Variants in INPP5D observed in about 807,000 individuals in gnomAD.
INPP5D encodes the protein phosphatidylinositol 3,4,5-trisphosphate 5-phosphatase 1.
In INPP5D, 33 loss-of-function variants were observed where a neutral mutation model predicts 122.9. The observed-to-expected ratio is 0.27, with a 90% CI of 0.20 to 0.36. INPP5D has a LOEUF of 0.36. INPP5D is among the 10% of genes least tolerant of loss of function. The pLI, the probability that INPP5D is intolerant of heterozygous loss-of-function variation, is 1.00. For missense variants in INPP5D, 1,053 were observed against 1,412.7 expected (o/e 0.75, Z 4.08); for synonymous variants, 584 against 576.2 (o/e 1.01, Z -0.19).
intron 2 of INPP5D, among the ~76,000 whole-genome samples, chr2:233,116,004 T>A (rs1480021023): frequency 6.6e-6 from 1 of 152,114 alleles, no homozygotes; most frequent in Non-Finnish European, 1.5e-5. Context: ...CTGCTGGAAG[T>A]CACCCAGAAC....
rs1694994111 is a variant in INPP5D at position 233,189,356 on chromosome 2, G to A, written c.2359-494G>A. Among the ~76,000 whole-genome samples, 2 of 152,362 alleles carry A rather than the reference G, an allele frequency of 1.3e-5. No individual in the cohort carries two copies. Among genetic ancestry groups the A allele is most frequent in the East Asian group, 3.9e-4 (2 of 5,188 alleles). On this transcript the variant is annotated intron_variant, in intron 21 of 26. Coordinates refer to ENST00000445964, the MANE Select transcript of INPP5D (RefSeq NM_001017915.3). The surrounding 1 kb of genome is among the most constrained non-coding windows in gnomAD (Gnocchi z 5.6). ...GAGGCTGCATCCTCCCTAGATAGGG[G>A]CAAGCCAGACAGGGGCAGGGCTGGG...
intron 1 of INPP5D, among the ~76,000 whole-genome samples, chr2:233,071,288 C>G (rs1391568602): frequency 6.7e-6 from 1 of 149,878 alleles, no homozygotes; most frequent in Admixed American, 6.6e-5. Context: ...GAGTCTCTGC[C>G]TCAAAAAAAG....
rs1391886930 is a variant in INPP5D at position 233,100,108 on chromosome 2, T to G, written c.198+20710T>G. Reference sequence around the variant, plus strand: ...GTGGGAGTTACAATTCAAGATGAGATTTGGGTGGGGACACAGTCAAACCAT... The same window carrying G: ...GTGGGAGTTACAATTCAAGATGAGAGTTGGGTGGGGACACAGTCAAACCAT... On this transcript the variant is annotated intron_variant, in intron 2 of 26. Coordinates refer to ENST00000445964, the MANE Select transcript of INPP5D (RefSeq NM_001017915.3). This position sits in a 1 kb window ranked among gnomAD's most constrained non-coding sequence, Gnocchi z 5.3. Among the ~76,000 whole-genome samples, 1 of 152,146 alleles carries G rather than the reference T, an allele frequency of 6.6e-6. No homozygotes were observed. The highest frequency in any genetic ancestry group is 2.4e-5 in the African/African-American group (1 of 41,434).
chr2:233,161,343 C>T (rs574173742), intron 10 of INPP5D, among the ~76,000 whole-genome samples: 5 of 152,304 alleles, frequency 3.3e-5, no homozygotes, highest in Admixed American at 6.5e-5. Flanking sequence ...CCACCCACCT[C>T]GGCCTCCCAA....
rs1038569663 is a variant in INPP5D at position 233,143,099 on chromosome 2, A to G, written c.754-3063A>G. On this transcript the variant is annotated intron_variant, in intron 6 of 26. Coordinates refer to ENST00000445964, the MANE Select transcript of INPP5D (RefSeq NM_001017915.3). Reference sequence around the variant, plus strand: ...CTCACCACTCTGACTCTATTCCCCCATCAGCAAAACAAGGATTAGAAAAAT... The same window carrying G: ...CTCACCACTCTGACTCTATTCCCCCGTCAGCAAAACAAGGATTAGAAAAAT... 7.0e-4 allele frequency among the ~76,000 whole-genome samples: 106 copies of G among 152,318 alleles called. 2 individuals carry two copies. The highest frequency in any genetic ancestry group is 6.8e-3 in the Middle Eastern group (2 of 294).
chr2:233,063,197 T>C (rs1691122698), intron 1 of INPP5D, among the ~76,000 whole-genome samples: 1 of 152,192 alleles, frequency 6.6e-6, no homozygotes, highest in Admixed American at 6.5e-5. Context: ...CCTGGAAGCC[T>C]GGAGCCACCC....
At chr2:233,144,314 G>A (rs1484919374) in intron 6 of INPP5D, among the ~76,000 whole-genome samples, 8 of 147,722 alleles carry the variant, frequency 5.4e-5, no homozygotes, top group Non-Finnish European at 7.5e-5. Flanking sequence ...AGTGGAGGTC[G>A]TCATGATTAT....
rs151267548 is a variant in INPP5D, at chr2:233,106,078, T to C, written c.199-16029T>C. The stretch of plus-strand genomic sequence containing the variant: ...CCATGGGTTAATGAAGATAAGTATG[T>C]CATGAAGTTTCAATAAGAGGAAGAC... On this transcript the variant is annotated intron_variant, in intron 2 of 26. Coordinates refer to ENST00000445964, the MANE Select transcript of INPP5D (RefSeq NM_001017915.3). 7.1e-3 allele frequency among the ~76,000 whole-genome samples: 1,078 copies of C among 152,334 alleles called. 13 individuals are homozygous for C. The highest frequency in any genetic ancestry group is 0.025 in the African/African-American group (1,042 of 41,560).
rs1411962711 is a variant in INPP5D, at chr2:233,164,932, G to C, written c.1555+508G>C. On this transcript the variant is annotated intron_variant, in intron 13 of 26. Coordinates refer to ENST00000445964, the MANE Select transcript of INPP5D (RefSeq NM_001017915.3). The surrounding 1 kb of genome is among the most constrained non-coding windows in gnomAD (Gnocchi z 4.3). ...GTTACCAGTGAGACCTTCCTTACAA[G>C]CACAGGCGGGAGGTGGCTGGCCCCT... 6.6e-6 allele frequency among the ~76,000 whole-genome samples: 1 copy of C among 152,198 alleles called. No homozygotes were observed. The highest frequency in any genetic ancestry group is 1.5e-5 in the Non-Finnish European group (1 of 68,028).
chr2:233,065,935 G>A (rs566654888), intron 1 of INPP5D, among the ~76,000 whole-genome samples: 4 of 147,362 alleles, frequency 2.7e-5, no homozygotes, highest in Non-Finnish European at 5.9e-5. Flanking sequence ...GTGAGCCACC[G>A]CACCTGGCCT....
At chr2:233,097,898 T>C (rs1692191204) in intron 2 of INPP5D, among the ~76,000 whole-genome samples, 2 of 151,814 alleles carry the variant, frequency 1.3e-5, no homozygotes, top group South Asian at 2.1e-4. Context: ...TTTCTTTTTT[T>C]TTTTTTGAGA....
At chr2:233,156,794 G>A (rs1694065958) in intron 9 of INPP5D, among the ~76,000 whole-genome samples, 2 of 152,208 alleles carry the variant, frequency 1.3e-5, no homozygotes, top group Admixed American at 6.5e-5. Context: ...GAAAACAGGT[G>A]CTCAGCATAA....
Position 233,170,617 on chromosome 2 carries a change from A to G in INPP5D, c.1900+13A>G, listed in dbSNP as rs2106302740. 1 of 1,611,668 alleles carries G rather than the reference A, an allele frequency of 6.2e-7. No homozygotes were observed. The highest frequency in any genetic ancestry group is 2.2e-5 in the East Asian group (1 of 44,774). On this transcript the variant is annotated intron_variant, in intron 16 of 26. Coordinates refer to ENST00000445964, the MANE Select transcript of INPP5D (RefSeq NM_001017915.3). This position sits in a 1 kb window ranked among gnomAD's most constrained non-coding sequence, Gnocchi z 4.5. Reference sequence around the variant, plus strand: ...TTCCTACACTTCGGTAAGAGCAGCAACCCCGGCTGGGAGCGGTGGCTCACA... The same window carrying G: ...TTCCTACACTTCGGTAAGAGCAGCAGCCCCGGCTGGGAGCGGTGGCTCACA...
intron 22 of INPP5D, among the ~76,000 whole-genome samples, chr2:233,191,529 A>G (rs4663643): frequency 0.88 from 133,469 of 152,242 alleles, 59,003 homozygotes; most frequent in East Asian, 1. Context: ...CAGCCACAGC[A>G]TATGAGGAAG....
chr2:233,167,960 G>A (rs1385264097), intron 13 of INPP5D, among the ~76,000 whole-genome samples: 2 of 132,930 alleles, frequency 1.5e-5, no homozygotes, highest in Non-Finnish European at 3.1e-5. Context: ...AGCAGAGATC[G>A]CGCCACTGCA....
chr2:233,073,808 C>G (rs1397998337), intron 1 of INPP5D, among the ~76,000 whole-genome samples: 1 of 152,094 alleles, frequency 6.6e-6, no homozygotes, highest in Non-Finnish European at 1.5e-5. Flanking sequence ...CGTTCACTTT[C>G]TCCAATCCAT....
chr2:233,169,495 C>T, intron 14 of INPP5D, 94 bp downstream of exon 14: 5 of 1,516,598 alleles, frequency 3.3e-6, no homozygotes, highest in Non-Finnish European at 3.6e-6. Context: ...TGCTCAGCTC[C>T]TGCCTTTGAC....
At chr2:233,065,185 G>T (rs549629580) in intron 1 of INPP5D, among the ~76,000 whole-genome samples, 1 of 152,146 alleles carries the variant, frequency 6.6e-6, no homozygotes, top group African/African-American at 2.4e-5. Context: ...CTGTGCCTAC[G>T]CTCAGCCCCC....
rs1448278960 is a variant in INPP5D at position 233,206,362 on chromosome 2, T to C, written c.3568-344T>C. On this transcript the variant is annotated intron_variant, in intron 26 of 26. Coordinates refer to ENST00000445964, the MANE Select transcript of INPP5D (RefSeq NM_001017915.3). This position sits in a 1 kb window ranked among gnomAD's most constrained non-coding sequence, Gnocchi z 4.0. Reference sequence around the variant, plus strand: ...ATATTACATATGTGTATATATTTTATATATATATATGGTACGTACCTGGGT... The same window carrying C: ...ATATTACATATGTGTATATATTTTACATATATATATGGTACGTACCTGGGT... 6.6e-6 allele frequency among the ~76,000 whole-genome samples: 1 copy of C among 151,294 alleles called. No individual in the cohort carries two copies. The highest frequency in any genetic ancestry group is 1.9e-4 in the East Asian group (1 of 5,180).
Sources: allele counts gnomAD v4.1 joint callset (sites outside exome capture counted in the v4.1 genomes callset), GRCh38; gene constraint gnomAD v4.1.1; non-coding constraint Gnocchi (gnomAD v3.1); transcripts MANE v1.5; gene names NCBI Gene and HGNC (gene_info 2026-07-23, HGNC 2026-07-21).